The following YJU2 variants were observed in gnomAD, a reference collection of about 807,000 sequenced individuals.
YJU2 encodes the protein YJU2 splicing factor homolog, also known as splicing factor YJU2.
A neutral mutation model predicts 39.6 loss-of-function variants in YJU2; 28 were observed. The ratio of observed to expected loss-of-function variants is 0.71; its 90% CI spans 0.52 to 0.97. YJU2 has a LOEUF of 0.97. Among genes scored for constraint, YJU2 ranks in the 50% least tolerant of loss-of-function variants. The pLI, the probability that YJU2 is intolerant of heterozygous loss-of-function variation, is 0.00. For missense variants in YJU2, 328 were observed against 430.4 expected (o/e 0.76, Z 2.11); for synonymous variants, 184 against 182.4 (o/e 1.01, Z -0.07).
chr19:4,263,037 G>C (rs1971084930), intron 6 of YJU2, among the ~76,000 whole-genome samples: 1 of 143,438 alleles, frequency 7.0e-6, no homozygotes, highest in Non-Finnish European at 1.5e-5. Context: ...TCGTGCCACT[G>C]CACCCCAGCC....
chr19:4,267,600 C>T (rs1243789951), intron 6 of YJU2, 24 bp from the exon 7 acceptor site: 1 of 1,608,336 alleles, frequency 6.2e-7, no homozygotes, highest in Admixed American at 1.7e-5. Context: ...GCCAGACCCC[C>T]ACATGTGTCC....
At chr19:4,250,533 G>A (rs1048107209) in intron 2 of YJU2, among the ~76,000 whole-genome samples, 2 of 152,134 alleles carry the variant, frequency 1.3e-5, no homozygotes, top group Non-Finnish European at 2.9e-5. Context: ...TGGTGGCGCT[G>A]AGGTCTGAGG....
At chr19:4,257,232 G>C (rs7259342) in intron 4 of YJU2, among the ~76,000 whole-genome samples, 4,872 of 152,130 alleles carry the variant, frequency 0.032, 270 homozygotes, top group African/African-American at 0.11. Context: ...ATGGCATATG[G>C]AAACCTCTTA....
chr19:4,268,521 G>A (rs867167111), intron 7 of YJU2, 63 bp from the exon 8 acceptor site: 8 of 1,227,786 alleles, frequency 6.5e-6, no homozygotes, highest in Non-Finnish European at 2.3e-6. Context: ...GGCCGGCCCC[G>A]TGCCTTGTCC....
At chr19:4,259,931 C>T (rs762066305) in intron 5 of YJU2, among the ~76,000 whole-genome samples, 1 of 152,080 alleles carries the variant, frequency 6.6e-6, no homozygotes, top group Non-Finnish European at 1.5e-5. Context: ...TTCCGGGTGC[C>T]GGGCGTGGCT....
chr19:4,254,568 G>A lies in YJU2; in HGVS notation c.405+79G>A, dbSNP rs1971004095. The A allele has an allele frequency of 2.1e-6, 3 of 1,446,098 alleles. No homozygotes were observed. The East Asian group carries it at 8.0e-5, about 38-fold the overall frequency. The allele number at this position is 1,446,098 out of a possible 1,614,324, so 89.6% of individuals were successfully genotyped here. A position where few individuals can be genotyped will look rare whatever the true frequency, so the allele number is the denominator to read the frequency against. On this transcript the variant is annotated intron_variant, in intron 4 of 7. Transcript: ENST00000262962. The stretch of plus-strand genomic sequence containing the variant: ...GTGTGCCAATGGTTGTGCCCTTCCT[G>A]CCTCAGGTCCCCAAGGAAGGAAGAT...
chr19:4,262,625 T>C (rs10424355), intron 6 of YJU2, among the ~76,000 whole-genome samples: 2,945 of 152,160 alleles, frequency 0.019, 66 homozygotes, highest in African/African-American at 0.054. Flanking sequence ...TCTTTATTTA[T>C]AGGCGGGGTG....
At chr19:4,260,470 C>T (rs939539558) in intron 5 of YJU2, among the ~76,000 whole-genome samples, 6 of 144,512 alleles carry the variant, frequency 4.2e-5, no homozygotes, top group Non-Finnish European at 9.1e-5. Context: ...CGGTCGGTGG[C>T]TCACGCCCGT....
intron 1 of YJU2, among the ~76,000 whole-genome samples, chr19:4,247,577 T>C (rs1401770176): frequency 4.9e-5 from 2 of 40,962 alleles, no homozygotes; most frequent in Admixed American, 5.4e-4. Flanking sequence ...TGGGGTGGGG[T>C]GGCGCGTGTG....
In YJU2 at chr19:4,247,108, C is replaced by CCATTTCT. The variant is rs1970924519; in HGVS notation, c.-36_-30dup. ...AAAGCTCGATAATTACCCAGCCTAA[C>CCATTTCT]CATTTCTCAGGTGCTTGCGAGGTGA... On this transcript the variant is annotated 5_prime_UTR_variant, in exon 1 of 8. Coordinates refer to ENST00000262962, the MANE Select transcript of YJU2 (RefSeq NM_018074.6). 6.2e-7 allele frequency: 1 copy of CCATTTCT among 1,606,458 alleles called. No homozygotes were observed. Among genetic ancestry groups the CCATTTCT allele is most frequent in the Non-Finnish European group, 8.5e-7 (1 of 1,173,036 alleles).
At chr19:4,264,220 C>G (rs1225440226) in intron 6 of YJU2, among the ~76,000 whole-genome samples, 1 of 142,324 alleles carries the variant, frequency 7.0e-6, no homozygotes, top group Non-Finnish European at 1.5e-5. Context: ...CGAGATTGTG[C>G]CACTGCACTC....
chr19:4,254,776 C>T (rs1971005968), intron 4 of YJU2, among the ~76,000 whole-genome samples: 1 of 151,672 alleles, frequency 6.6e-6, no homozygotes, highest in Non-Finnish European at 1.5e-5. Flanking sequence ...TAAAACTTAA[C>T]ACTGGGCGCA....
Position 4,262,104 on chromosome 19 carries a change from TC to T in YJU2, c.700del (p.Leu234TrpfsTer33). On this transcript the variant is annotated frameshift_variant, in exon 6 of 8. Transcript: ENST00000262962. LOFTEE classifies it high-confidence loss of function. The part of the protein sequence containing the change: ...QPALRPNPTA[I>X]LDEAPKPKRK... Reference sequence around the variant, plus strand: ...GCCCTTCGGCCCAACCCCACCGCCATCCTGGATGAGGTAAGTGGGGTGCCTG... The same window carrying T: ...GCCCTTCGGCCCAACCCCACCGCCATCTGGATGAGGTAAGTGGGGTGCCTG... 6.2e-7 allele frequency: 1 copy of T among 1,609,980 alleles called. No individual in the cohort carries two copies. Among genetic ancestry groups the T allele is most frequent in the South Asian group, 1.1e-5 (1 of 91,032 alleles).
intron 6 of YJU2, among the ~76,000 whole-genome samples, chr19:4,266,093 A>G (rs538869387): frequency 1.3e-5 from 2 of 151,946 alleles, no homozygotes; most frequent in Non-Finnish European, 2.9e-5. Context: ...AGCTGGGATT[A>G]CAGGCGTGTG....
Position 4,247,657 on chromosome 19 carries a change from GTGT to G in YJU2, c.24+488_24+490del, listed in dbSNP as rs1568359702. On this transcript the variant is annotated intron_variant, in intron 1 of 7. Coordinates refer to ENST00000262962, the MANE Select transcript of YJU2 (RefSeq NM_018074.6). Reference sequence around the variant, plus strand: ...TGTGTGTGTGTGTGTGTGTGTGTGTGTGTGTGTGTGTGTGTGTGTGTGTGTGTG... The same window carrying G: ...TGTGTGTGTGTGTGTGTGTGTGTGTGGTGTGTGTGTGTGTGTGTGTGTGTG... 1.0e-3 allele frequency among the ~76,000 whole-genome samples: 71 copies of G among 71,304 alleles called. 5 individuals are homozygous for G. Among genetic ancestry groups the G allele is most frequent in the Middle Eastern group, 8.9e-3 (1 of 112 alleles). 46.8% of individuals were successfully genotyped at this position (71,304 alleles called of 152,430 possible). A position where few individuals can be genotyped will look rare whatever the true frequency, so the allele number is the denominator to read the frequency against.
chr19:4,258,786 A>C (rs994873493), intron 5 of YJU2, among the ~76,000 whole-genome samples: 1 of 152,168 alleles, frequency 6.6e-6, no homozygotes, highest in Admixed American at 6.5e-5. Flanking sequence ...AGGACTCGAG[A>C]AAGGCGCCAT....
intron 6 of YJU2, among the ~76,000 whole-genome samples, chr19:4,262,956 C>A (rs1337507838): frequency 6.6e-6 from 1 of 151,814 alleles, no homozygotes; most frequent in African/African-American, 2.4e-5. Context: ...CGCTTGTAAT[C>A]CCAGCTACTC....
rs1309042028 is a variant in YJU2, at chr19:4,251,174, A to G, written c.270+3A>G. The G allele has an allele frequency of 1.2e-5, 20 of 1,612,610 alleles. No homozygotes were observed. Among genetic ancestry groups the G allele is most frequent in the Non-Finnish European group, 1.7e-5 (20 of 1,179,180 alleles). On this transcript the variant is annotated splice_donor_region_variant and intron_variant, in intron 3 of 7. Transcript: ENST00000262962. ...GCCTGGCAGAGATCACCTTCAAGGT[A>G]GGTGAGACGGCCGGCCAGGCCGGTC... is the stretch of plus-strand genomic sequence containing the variant.
At chr19:4,258,882 C>T (rs1971046328) in intron 5 of YJU2, among the ~76,000 whole-genome samples, 1 of 152,028 alleles carries the variant, frequency 6.6e-6, no homozygotes, top group Admixed American at 6.6e-5. Context: ...TGCCGGGATT[C>T]CAGACTCCAG....
Sources: gnomAD v4.1 joint callset for allele counts (sites outside exome capture counted in the v4.1 genomes callset) on GRCh38, gnomAD v4.1.1 for gene constraint, MANE v1.5 for transcripts, NCBI Gene and HGNC (gene_info 2026-07-23, HGNC 2026-07-21) for gene names.